Variants in ZMYND8 observed in about 807,000 individuals in gnomAD.
The protein encoded by ZMYND8 is MYND-type zinc finger-containing chromatin reader ZMYND8.
In ZMYND8, 37 loss-of-function variants were observed where a neutral mutation model predicts 140.8. That is an observed-to-expected ratio of 0.26 (90% CI 0.20 to 0.35). The LOEUF (loss-of-function observed/expected upper bound fraction) is 0.35, where lower values mean the gene tolerates loss of function less well. Ranked by LOEUF, ZMYND8 falls within the 10% of genes least tolerant of loss-of-function variation. The probability of loss-of-function intolerance (pLI) is 1.00; values close to 1 mark genes in which losing one functional copy is unlikely to be tolerated. For missense variants in ZMYND8, 1,068 were observed against 1,570.0 expected (o/e 0.68, Z 5.40); for synonymous variants, 592 against 597.1 (o/e 0.99, Z 0.12).
intron 2 of ZMYND8, among the ~76,000 whole-genome samples, chr20:47,346,828 G>A (rs757221057): frequency 1.3e-5 from 2 of 152,186 alleles, no homozygotes; most frequent in African/African-American, 4.8e-5. Context: ...GGCTGGTCTC[G>A]AACGCCTGAC....
intron 14 of ZMYND8, among the ~76,000 whole-genome samples, chr20:47,240,679 C>T (rs1293033493): frequency 6.6e-6 from 1 of 151,440 alleles, no homozygotes; most frequent in African/African-American, 2.4e-5. Flanking sequence ...CTCAGCCTCC[C>T]GACTACGTGG....
intron 16 of ZMYND8, among the ~76,000 whole-genome samples, chr20:47,230,411 C>G (rs2038304870): frequency 6.6e-6 from 1 of 152,024 alleles, no homozygotes; most frequent in Non-Finnish European, 1.5e-5. Context: ...CTGCCTCAGC[C>G]TCCCAAGTAG....
chr20:47,265,053 C>CATATATATATATAT (rs199638521), intron 11 of ZMYND8, among the ~76,000 whole-genome samples: 2 of 114,248 alleles, frequency 1.8e-5, no homozygotes, highest in African/African-American at 5.4e-5. Flanking sequence ...AATATATATA[C>CATATATATATATAT]ATATATATAT....
At chr20:47,241,625 G>A (rs1393968770) in intron 14 of ZMYND8, among the ~76,000 whole-genome samples, 1 of 151,902 alleles carries the variant, frequency 6.6e-6, no homozygotes, top group African/African-American at 2.4e-5. Flanking sequence ...ATGACCACAC[G>A]GGAGCTCATT....
At chr20:47,345,063 A>G (rs921471710) in intron 2 of ZMYND8, among the ~76,000 whole-genome samples, 24 of 152,162 alleles carry the variant, frequency 1.6e-4, no homozygotes, top group African/African-American at 5.3e-4. Flanking sequence ...GGCTACAGTG[A>G]GCTTTGAGCC....
intron 3 of ZMYND8, among the ~76,000 whole-genome samples, chr20:47,303,615 G>A (rs1162254170): frequency 6.6e-6 from 1 of 152,058 alleles, no homozygotes; most frequent in Non-Finnish European, 1.5e-5. Flanking sequence ...AGAAGTGCTT[G>A]AACCCGGGAG....
intron 2 of ZMYND8, among the ~76,000 whole-genome samples, chr20:47,314,227 G>A (rs939000000): frequency 2.6e-5 from 4 of 152,076 alleles, no homozygotes; most frequent in East Asian, 1.9e-4. Flanking sequence ...GGCCAGGTGC[G>A]GTGGCTCACG....
chr20:47,248,431 T>C (rs2073904441), intron 13 of ZMYND8, among the ~76,000 whole-genome samples: 1 of 152,094 alleles, frequency 6.6e-6, no homozygotes, highest in Non-Finnish European at 1.5e-5. Context: ...CCCAGATGGG[T>C]CCCTAACTCT....
intron 2 of ZMYND8, among the ~76,000 whole-genome samples, chr20:47,332,631 GC>G (rs1377569242): frequency 1.3e-5 from 2 of 152,040 alleles, no homozygotes; most frequent in African/African-American, 2.4e-5. Context: ...GATTGCTTGA[GC>G]CCAGAAGTTC....
chr20:47,345,209 A>G (rs1166139537), intron 2 of ZMYND8, among the ~76,000 whole-genome samples: 1 of 152,172 alleles, frequency 6.6e-6, no homozygotes, highest in Middle Eastern at 3.2e-3. Context: ...CGTGGCCACC[A>G]AAAGCCTCTT....
intron 21 of ZMYND8, among the ~76,000 whole-genome samples, chr20:47,216,033 G>A (rs2036045900): frequency 6.6e-6 from 1 of 152,210 alleles, no homozygotes; most frequent in Admixed American, 6.5e-5. Flanking sequence ...CAGGAGGGAA[G>A]GACAGAGCAC....
At chr20:47,234,843 A>C (rs927826618) in intron 16 of ZMYND8, among the ~76,000 whole-genome samples, 7 of 152,198 alleles carry the variant, frequency 4.6e-5, no homozygotes, top group African/African-American at 1.4e-4. Flanking sequence ...TAAGACTATA[A>C]GAATTTTAGA....
intron 2 of ZMYND8, among the ~76,000 whole-genome samples, chr20:47,347,542 C>G (rs1389474135): frequency 6.6e-6 from 1 of 152,180 alleles, no homozygotes; most frequent in Non-Finnish European, 1.5e-5. Flanking sequence ...GCTCTGGTGG[C>G]TTCCAGAACA....
At chr20:47,278,722 T>C (rs769557798) in intron 10 of ZMYND8, among the ~76,000 whole-genome samples, 4 of 152,178 alleles carry the variant, frequency 2.6e-5, no homozygotes, top group Non-Finnish European at 5.9e-5. Flanking sequence ...TTCTGACTGC[T>C]GTCTTTCTCC....
chr20:47,221,593 A>G (rs2036957049), intron 19 of ZMYND8, 119 bp from the exon 20 acceptor site: 3 of 1,283,280 alleles, frequency 2.3e-6, no homozygotes, highest in Admixed American at 6.1e-5. Flanking sequence ...CCCAGGGCAT[A>G]AAAGTGGAGG....
chr20:47,247,612 A>G (rs983469055), intron 13 of ZMYND8, among the ~76,000 whole-genome samples: 2 of 152,206 alleles, frequency 1.3e-5, no homozygotes, highest in East Asian at 1.9e-4. Context: ...ACCATATCCT[A>G]AACTTTTAGA....
rs6063092 is a variant in ZMYND8, at chr20:47,265,742, C to T, written c.1481-3314G>A. Among the ~76,000 whole-genome samples, 1,140 of 152,186 alleles carry T rather than the reference C, an allele frequency of 7.5e-3. 13 individuals are homozygous for T. Among genetic ancestry groups the T allele is most frequent in the African/African-American group, 0.026 (1,076 of 41,510 alleles). On this transcript the variant is annotated intron_variant, in intron 11 of 22. Coordinates refer to ENST00000471951, the MANE Select transcript of ZMYND8 (RefSeq NM_001281775.3). Reference sequence around the variant, plus strand: ...ACAGGTGTGAGCCATCACGCCCAGCCTATTTTTATAATTCTGTATATACAT... The same window carrying T: ...ACAGGTGTGAGCCATCACGCCCAGCTTATTTTTATAATTCTGTATATACAT...
intron 2 of ZMYND8, among the ~76,000 whole-genome samples, chr20:47,340,148 G>A (rs2081726213): frequency 6.6e-6 from 1 of 151,974 alleles, no homozygotes; most frequent in South Asian, 2.1e-4. Flanking sequence ...CACCATATTG[G>A]CCAGGCTGGT....
At chr20:47,263,365 C>T (rs760518989) in intron 11 of ZMYND8, among the ~76,000 whole-genome samples, 5 of 152,188 alleles carry the variant, frequency 3.3e-5, no homozygotes, top group Non-Finnish European at 7.4e-5. Context: ...TTGTGGATGG[C>T]AAATTGGAGT....
Sources: allele counts gnomAD v4.1 joint callset (sites outside exome capture counted in the v4.1 genomes callset), GRCh38; gene constraint gnomAD v4.1.1; transcripts MANE v1.5; gene names NCBI Gene and HGNC (gene_info 2026-07-23, HGNC 2026-07-21).